The following ZBBX variants were observed in gnomAD, a reference collection of about 807,000 sequenced individuals.
ZBBX encodes the protein zinc finger B-box domain-containing protein 1.
In ZBBX, 101 loss-of-function variants were observed where a neutral mutation model predicts 108.5. The observed-to-expected ratio is 0.93, with a 90% confidence interval of 0.79 to 1.10. ZBBX has a LOEUF of 1.10. ZBBX is among the 50% of genes least tolerant of loss of function. The pLI, the probability that ZBBX is intolerant of heterozygous loss-of-function variation, is 0.00. For missense variants in ZBBX, 1,009 were observed against 941.4 expected (o/e 1.07, Z -0.94); for synonymous variants, 356 against 323.4 (o/e 1.10, Z -1.08).
At chr3:167,360,304 T>C (rs567134373) in intron 7 of ZBBX, among the ~76,000 whole-genome samples, 1 of 151,092 alleles carries the variant, frequency 6.6e-6, no homozygotes, top group African/African-American at 2.4e-5. Context: ...TTAAATAATT[T>C]ATTAAAATAT....
chr3:167,230,759 G>C, the ZBBX span, among the ~76,000 whole-genome samples: 2 of 151,784 alleles, frequency 1.3e-5, no homozygotes, highest in African/African-American at 4.8e-5. Flanking sequence ...GAAGCGATTG[G>C]GAAAAAGTAG....
chr3:167,236,654 C>T (rs917905549), downstream of ZBBX, among the ~76,000 whole-genome samples: 5 of 151,550 alleles, frequency 3.3e-5, no homozygotes, highest in African/African-American at 1.2e-4. Flanking sequence ...ATGTAGGGAC[C>T]GACAGGGCTT....
intron 9 of ZBBX, among the ~76,000 whole-genome samples, chr3:167,335,475 C>T (rs1739396893): frequency 6.6e-6 from 1 of 151,962 alleles, no homozygotes; most frequent in Non-Finnish European, 1.5e-5. Flanking sequence ...GGGTAAGATT[C>T]AGAATCGTCA....
chr3:167,315,970 T>A (rs1249960615), intron 14 of ZBBX, 141 bp from the exon 15 acceptor site: 1 of 536,662 alleles, frequency 1.9e-6, no homozygotes, highest in South Asian at 3.3e-5. Context: ...TTATAACACA[T>A]AAGTTCTAGG....
chr3:167,363,952 A>G (rs187813647), intron 6 of ZBBX, among the ~76,000 whole-genome samples: 1 of 152,196 alleles, frequency 6.6e-6, no homozygotes, highest in Non-Finnish European at 1.5e-5. Flanking sequence ...AGTTTTTGAC[A>G]TTGCTCAAAA....
At chr3:167,210,598 G>T in the ZBBX span, among the ~76,000 whole-genome samples, 2 of 151,944 alleles carry the variant, frequency 1.3e-5, no homozygotes, top group Non-Finnish European at 2.9e-5. Flanking sequence ...AGAAGACTAC[G>T]TCAAAATATT....
the ZBBX span, among the ~76,000 whole-genome samples, chr3:167,220,160 A>T: frequency 6.6e-6 from 1 of 152,040 alleles, no homozygotes; most frequent in African/African-American, 2.4e-5. Flanking sequence ...AAACATTTAA[A>T]TAAGAATGAA....
the ZBBX span, among the ~76,000 whole-genome samples, chr3:167,184,147 C>A: frequency 6.6e-6 from 1 of 152,034 alleles, no homozygotes; most frequent in Non-Finnish European, 1.5e-5. Context: ...AAATTGAATA[C>A]CCATAGGAGA....
intron 20 of ZBBX, among the ~76,000 whole-genome samples, chr3:167,267,608 C>G (rs1209248586): frequency 6.6e-6 from 1 of 152,180 alleles, no homozygotes. Flanking sequence ...GTCCACTCCT[C>G]AAGCCCTCAA....
upstream of ZBBX, among the ~76,000 whole-genome samples, chr3:167,407,877 G>A (rs946844735): frequency 3.9e-5 from 6 of 152,006 alleles, no homozygotes; most frequent in Non-Finnish European, 7.4e-5. Context: ...ACAGCTCTGA[G>A]ATGATTTTGA....
At chr3:167,228,894 C>T in the ZBBX span, among the ~76,000 whole-genome samples, 8 of 151,830 alleles carry the variant, frequency 5.3e-5, no homozygotes, top group Middle Eastern at 3.4e-3. Flanking sequence ...CTTGCTCCCA[C>T]GAATGAGTGG....
At chr3:167,290,158 A>T (rs1730435313) in intron 18 of ZBBX, among the ~76,000 whole-genome samples, 1 of 152,106 alleles carries the variant, frequency 6.6e-6, no homozygotes, top group Admixed American at 6.5e-5. Context: ...GCAGACTTAA[A>T]CATCCCTGCC....
At chr3:167,373,562 G>A (rs1746488093) in intron 3 of ZBBX, 144 bp downstream of exon 3, 1 of 152,106 alleles carries the variant, frequency 6.6e-6, no homozygotes, top group South Asian at 2.1e-4. Context: ...TTAACTTATT[G>A]TTCATCAGAA....
At position 167,391,542 on chromosome 3, in the gene ZBBX, A is replaced by G. The variant is rs529627746; in HGVS notation, c.-445-11137T>C. Among the ~76,000 whole-genome samples the G allele has an allele frequency of 1.0e-3, 153 of 152,148 alleles. 1 individual carries two copies. The highest frequency in any genetic ancestry group is 3.6e-3 in the African/African-American group (151 of 41,544). On this transcript the variant is annotated intron_variant, in intron 1 of 21. Coordinates refer to the ZBBX transcript ENST00000455345. ...AGCCCCTCTTTTTCTATTGTTTGGA[A>G]TAATTTCAGAAGGAATGGTACCAGC... is the stretch of plus-strand genomic sequence containing the variant.
intron 9 of ZBBX, among the ~76,000 whole-genome samples, chr3:167,344,321 AT>A (rs1452539934): frequency 1.3e-5 from 2 of 151,852 alleles, no homozygotes; most frequent in African/African-American, 4.8e-5. Context: ...CCATACTAAA[AT>A]TCATTGAATT....
chr3:167,248,919 C>T (rs1420887612), intron 20 of ZBBX, among the ~76,000 whole-genome samples: 1 of 152,192 alleles, frequency 6.6e-6, no homozygotes, highest in Non-Finnish European at 1.5e-5. Flanking sequence ...CCAAGGTCAT[C>T]GGGGCTCAGG....
intron 3 of ZBBX, among the ~76,000 whole-genome samples, 187 bp downstream of exon 3, chr3:167,373,519 T>C (rs1246847564): frequency 2.6e-5 from 4 of 152,334 alleles, no homozygotes; most frequent in Non-Finnish European, 1.5e-5. Context: ...CAAAAATCTG[T>C]GTACAACTTC....
At chr3:167,334,079 C>T in intron 9 of ZBBX, 94 bp from the exon 10 acceptor site, 6 of 814,286 alleles carry the variant, frequency 7.4e-6, no homozygotes, top group Non-Finnish European at 8.8e-6. Context: ...TCTATGACTC[C>T]CAGAATTAAA....
At chr3:167,403,005 A>G (rs1413074659) in intron 1 of ZBBX, among the ~76,000 whole-genome samples, 2 of 152,174 alleles carry the variant, frequency 1.3e-5, no homozygotes, top group African/African-American at 4.8e-5. Flanking sequence ...AGGAGAGGGA[A>G]TAAGTCAGAG....
Sources: gnomAD v4.1 joint callset for allele counts (sites outside exome capture counted in the v4.1 genomes callset) on GRCh38, gnomAD v4.1.1 for gene constraint, MANE v1.5 for transcripts, NCBI Gene and HGNC (gene_info 2026-07-23, HGNC 2026-07-21) for gene names.